ATG5: variants seen among roughly 807,000 people sequenced by gnomAD.
The protein encoded by ATG5 is autophagy protein 5.
A neutral mutation model predicts 36.5 loss-of-function variants in ATG5; 14 were observed. The observed-to-expected ratio is 0.38, with a 90% CI of 0.25 to 0.60. The LOEUF is 0.60. ATG5 is among the 20% of genes least tolerant of loss of function. The pLI is 0.60. For missense variants in ATG5, 195 were observed against 326.7 expected, an observed-to-expected ratio of 0.60 and a Z score of 3.11; for synonymous variants, 95 against 101.5, an observed-to-expected ratio of 0.94 and a Z score of 0.38.
intron 6 of ATG5, among the ~76,000 whole-genome samples, chr6:106,236,063 T>C (rs1777893262): frequency 6.6e-6 from 1 of 152,220 alleles, no homozygotes; most frequent in African/African-American, 2.4e-5. Context: ...ATATTAGTTT[T>C]GTCTGTTCTA....
chr6:106,238,798 A>C (rs1445216028), intron 6 of ATG5, among the ~76,000 whole-genome samples: 1 of 152,174 alleles, frequency 6.6e-6, no homozygotes, highest in African/African-American at 2.4e-5. Context: ...TAAAAGAATA[A>C]AGGGTCTTGA....
At chr6:106,292,336 G>A (rs1469058461) in intron 4 of ATG5, among the ~76,000 whole-genome samples, 2 of 152,206 alleles carry the variant, frequency 1.3e-5, no homozygotes, top group Non-Finnish European at 2.9e-5. Flanking sequence ...TGAATTGGGG[G>A]AGGGGAACAG....
chr6:106,296,302 G>T (rs1769931912), intron 3 of ATG5, among the ~76,000 whole-genome samples: 1 of 151,624 alleles, frequency 6.6e-6, no homozygotes, highest in African/African-American at 2.4e-5. Context: ...ATATTTTAGG[G>T]TCTTAATGAT....
intron 5 of ATG5, among the ~76,000 whole-genome samples, chr6:106,257,114 G>A (rs1383435179): frequency 6.6e-6 from 1 of 152,082 alleles, no homozygotes; most frequent in Non-Finnish European, 1.5e-5. Context: ...AAAGTGGGAG[G>A]ATCATCAATA....
intron 2 of ATG5, among the ~76,000 whole-genome samples, chr6:106,313,507 T>C (rs1329902008): frequency 6.6e-6 from 1 of 152,238 alleles, no homozygotes; most frequent in African/African-American, 2.4e-5. Context: ...TATATGTGTT[T>C]TTATACTGGA....
At chr6:106,210,204 C>T (rs1378236800) in intron 6 of ATG5, among the ~76,000 whole-genome samples, 6 of 152,122 alleles carry the variant, frequency 3.9e-5, no homozygotes, top group African/African-American at 1.4e-4. Context: ...CAGGAAAAGC[C>T]CCTTAGGTGA....
chr6:106,299,583 T>C (rs1031144488), intron 3 of ATG5, among the ~76,000 whole-genome samples: 1 of 152,238 alleles, frequency 6.6e-6, no homozygotes, highest in Non-Finnish European at 1.5e-5. Flanking sequence ...CTTCTTTACA[T>C]TGCTCTAGTC....
chr6:106,309,025 A>C (rs1028907369), intron 2 of ATG5, among the ~76,000 whole-genome samples: 1 of 152,106 alleles, frequency 6.6e-6, no homozygotes, highest in Non-Finnish European at 1.5e-5. Context: ...TTTCCCCAGA[A>C]AAGGTACCCA....
chr6:106,262,841 G>A (rs532226123), intron 5 of ATG5, among the ~76,000 whole-genome samples: 1 of 152,344 alleles, frequency 6.6e-6, no homozygotes, highest in South Asian at 2.1e-4. Context: ...CATGGTTTCT[G>A]CAATCTGCAG....
chr6:106,281,669 T>C (rs930053168), intron 4 of ATG5, among the ~76,000 whole-genome samples: 11 of 152,252 alleles, frequency 7.2e-5, no homozygotes, highest in African/African-American at 2.7e-4. Flanking sequence ...AGACACGTCT[T>C]CATCTTTCTT....
chr6:106,187,714 G>GT (rs1011221428), intron 7 of ATG5, among the ~76,000 whole-genome samples: 26 of 152,254 alleles, frequency 1.7e-4, no homozygotes, highest in African/African-American at 6.0e-4. Flanking sequence ...TTTTGAATCT[G>GT]TAAGTGCTCT....
intron 6 of ATG5, among the ~76,000 whole-genome samples, chr6:106,224,636 G>A (rs953130967): frequency 2.0e-5 from 3 of 152,158 alleles, no homozygotes; most frequent in African/African-American, 7.2e-5. Context: ...AGCACTTTGG[G>A]AGGCCTGGGT....
At chr6:106,280,042 TGAA>T in intron 4 of ATG5, among the ~76,000 whole-genome samples, 1 of 151,868 alleles carries the variant, frequency 6.6e-6, no homozygotes, top group East Asian at 1.9e-4. Flanking sequence ...TATAACAACA[TGAA>T]AAAAAGGCAT....
intron 6 of ATG5, among the ~76,000 whole-genome samples, chr6:106,226,359 A>G (rs1478905942): frequency 6.6e-6 from 1 of 152,202 alleles, no homozygotes; most frequent in Non-Finnish European, 1.5e-5. Flanking sequence ...TTATTCTGTT[A>G]TACTATATAA....
intron 3 of ATG5, among the ~76,000 whole-genome samples, chr6:106,294,751 G>A (rs1293716774): frequency 6.6e-6 from 1 of 151,234 alleles, no homozygotes; most frequent in East Asian, 1.9e-4. Flanking sequence ...GCTGAGGCGG[G>A]AGACTCTCTT....
intron 5 of ATG5, among the ~76,000 whole-genome samples, chr6:106,269,874 G>C (rs1779385050): frequency 6.6e-6 from 1 of 152,348 alleles, no homozygotes; most frequent in Non-Finnish European, 1.5e-5. Context: ...GTGGGCTGAA[G>C]GGCTCAAGTG....
chr6:106,279,495 G>A (rs1779793223), intron 5 of ATG5, among the ~76,000 whole-genome samples, 166 bp downstream of exon 5: 2 of 152,142 alleles, frequency 1.3e-5, no homozygotes, highest in South Asian at 4.1e-4. Flanking sequence ...CACCAAAAGA[G>A]CAGAATGTAA....
chr6:106,307,777 C>G (rs376818623), intron 3 of ATG5, among the ~76,000 whole-genome samples: 2 of 152,230 alleles, frequency 1.3e-5, no homozygotes, highest in East Asian at 3.9e-4. Context: ...CCCAGGTGAT[C>G]CGCCAGCCTC....
intron 5 of ATG5, among the ~76,000 whole-genome samples, chr6:106,260,085 C>T (rs985829733): frequency 2.6e-5 from 4 of 152,106 alleles, no homozygotes; most frequent in African/African-American, 4.8e-5. Flanking sequence ...GGGCAGGGAA[C>T]ATCACACACT....
Sources: allele counts gnomAD v4.1 joint callset (sites outside exome capture counted in the v4.1 genomes callset), GRCh38; gene constraint gnomAD v4.1.1; transcripts MANE v1.5; gene names NCBI Gene and HGNC (gene_info 2026-07-23, HGNC 2026-07-21).